The following MBTPS1 variants were observed in gnomAD, a reference collection of about 807,000 sequenced individuals.
The protein encoded by MBTPS1 is membrane bound transcription factor peptidase, site 1, also known as membrane-bound transcription factor site-1 protease.
A neutral mutation model predicts 127.8 loss-of-function variants in MBTPS1; 94 were observed. That is an observed-to-expected ratio of 0.74 (90% CI 0.62 to 0.87). The LOEUF (loss-of-function observed/expected upper bound fraction) is 0.87. Ranked by LOEUF, MBTPS1 falls within the 40% of genes least tolerant of loss-of-function variation. The pLI is 0.00. For missense variants in MBTPS1, 1,636 were observed against 1,353.2 expected, an observed-to-expected ratio of 1.21 and a Z score of -3.28; for synonymous variants, 632 against 509.4, an observed-to-expected ratio of 1.24 and a Z score of -3.24.
At position 84,093,868 on chromosome 16, in the gene MBTPS1, C is replaced by G. The variant is rs45576132; in HGVS notation, c.626-47G>C. 12,783 of 1,376,098 alleles carry G rather than the reference C, an allele frequency of 9.3e-3. 89 individuals carry two copies. The highest frequency in any genetic ancestry group is 0.016 in the Middle Eastern group (92 of 5,620). The allele number at this position is 1,376,098 out of a possible 1,614,324, so 85.2% of individuals were successfully genotyped here. The stretch of plus-strand genomic sequence containing the variant: ...ACACAATTATGTTTGAAGAAATCAT[C>G]ATTTTGGATTTTGCCTATAAAATAC... On this transcript the variant is annotated intron_variant, in intron 4 of 22. Transcript: ENST00000343411.
intron 2 of MBTPS1, among the ~76,000 whole-genome samples, 186 bp downstream of exon 2, chr16:84,101,435 G>A (rs1363696494): frequency 1.3e-5 from 2 of 151,598 alleles, no homozygotes; most frequent in Non-Finnish European, 2.9e-5. Flanking sequence ...AGGTTACAGT[G>A]AGCCGAGATC....
chr16:84,060,832 T>C lies in MBTPS1; in HGVS notation c.2573-19A>G, dbSNP rs1487226600. The C allele has an allele frequency of 6.5e-7, 1 of 1,537,804 alleles. No homozygotes were observed. Among genetic ancestry groups the C allele is most frequent in the Non-Finnish European group, 8.8e-7 (1 of 1,141,842 alleles). On this transcript the variant is annotated intron_variant, in intron 19 of 22. Coordinates refer to ENST00000343411, the MANE Select transcript of MBTPS1 (RefSeq NM_003791.4). ...AAGCAGTCTGCGAAGTCAACAAGCC[T>C]GTTTAGGAATTCCTTTTTTTTTTTC...
At chr16:84,079,904 A>C (rs552971501) in intron 11 of MBTPS1, among the ~76,000 whole-genome samples, 3 of 152,292 alleles carry the variant, frequency 2.0e-5, no homozygotes, top group South Asian at 4.1e-4. Flanking sequence ...CGCAGTAACC[A>C]CTGTGAGCAC....
At chr16:84,085,567 A>ACC (rs2086008621) in intron 9 of MBTPS1, among the ~76,000 whole-genome samples, 4 of 28,488 alleles carry the variant, frequency 1.4e-4, no homozygotes, top group African/African-American at 4.0e-4. Flanking sequence ...TCAGCCCCGC[A>ACC]CCCGCCCCCC....
In MBTPS1 at chr16:84,067,741, G is replaced by A. The variant is rs1276130582; in HGVS notation, c.2154C>T (p.Leu718=). ...ACCAGTCACTGAAGATGACGAGCGA[G>A]AGGCCGTTGTCCACGTCCCTCCGGA... The part of the protein sequence containing the change: ...AKLRRDVDNG[L]SLVIFSDWYN... The change falls in exon 16 of 23, where the codon CTC becomes CTT. Residue 718 remains leucine, a synonymous_variant. Transcript: ENST00000343411. 1 of 1,614,040 alleles carries A rather than the reference G, an allele frequency of 6.2e-7. No individual in the cohort carries two copies. The highest frequency in any genetic ancestry group is 2.2e-5 in the East Asian group (1 of 44,878).
intron 8 of MBTPS1, among the ~76,000 whole-genome samples, chr16:84,088,110 T>C (rs1281109826): frequency 6.6e-6 from 1 of 151,936 alleles, no homozygotes; most frequent in Non-Finnish European, 1.5e-5. Flanking sequence ...ATGGCAAAAA[T>C]GTGTAAACCG....
Position 84,101,791 on chromosome 16 carries a change from A to T in MBTPS1, c.-8T>A, listed in dbSNP as rs1377284230. ...GATGTTGACAAGCTTCATGGTCACA[A>T]GCGAATATGATCATAAAATTGCATA... On this transcript the variant is annotated 5_prime_UTR_variant, in exon 2 of 23. The change creates a new upstream start codon in the 5' untranslated region. Transcript: ENST00000343411. 1 of 1,605,134 alleles carries T rather than the reference A, an allele frequency of 6.2e-7. No individual in the cohort carries two copies. Among genetic ancestry groups the T allele is most frequent in the South Asian group, 1.1e-5 (1 of 89,652 alleles).
intron 12 of MBTPS1, among the ~76,000 whole-genome samples, chr16:84,071,423 C>T (rs1186662358): frequency 6.6e-6 from 1 of 152,148 alleles, no homozygotes; most frequent in African/African-American, 2.4e-5. Flanking sequence ...GAACTTACTT[C>T]CCAAGTAAGC....
intron 3 of MBTPS1, 33 bp from the exon 4 acceptor site, chr16:84,095,838 A>G (rs755363987): frequency 1.3e-6 from 2 of 1,582,878 alleles, no homozygotes; most frequent in Admixed American, 1.7e-5. Flanking sequence ...TCAGAACAGA[A>G]GAGCAAAACG....
intron 2 of MBTPS1, 32 bp downstream of exon 2, chr16:84,101,589 G>C: frequency 1.3e-6 from 2 of 1,544,456 alleles, no homozygotes; most frequent in Non-Finnish European, 1.8e-6. Flanking sequence ...AAATAGGATG[G>C]GAGTTCCTAA....
Position 84,066,586 on chromosome 16 carries a change from T to C in MBTPS1, c.2256A>G (p.Gly752=), listed in dbSNP as rs1597309990. 6.2e-7 allele frequency: 1 copy of C among 1,614,036 alleles called. No homozygotes were observed. The part of the protein sequence containing the change: ...TRQWWMPDTG[G]ANIPALNELL... ...GCTCATTCAGAGCTGGGATGTTAGCTCCTCCGGTATCCGGCATCCACCACT... is the reference window on the plus strand; with the variant it reads ...GCTCATTCAGAGCTGGGATGTTAGCCCCTCCGGTATCCGGCATCCACCACT... Residue 752 remains glycine (G), a synonymous_variant, in exon 17 of 23, where the codon GGA becomes GGG. Coordinates refer to ENST00000343411, the MANE Select transcript of MBTPS1 (RefSeq NM_003791.4).
chr16:84,094,845 T>C (rs528995190), intron 4 of MBTPS1, among the ~76,000 whole-genome samples: 13 of 152,234 alleles, frequency 8.5e-5, no homozygotes, highest in Middle Eastern at 3.4e-3. Context: ...CTCAGATATT[T>C]TGGAGGGCAG....
intron 1 of MBTPS1, among the ~76,000 whole-genome samples, chr16:84,114,340 T>A (rs1318239253): frequency 6.6e-6 from 1 of 152,164 alleles, no homozygotes; most frequent in South Asian, 2.1e-4. Flanking sequence ...GGTGGTCTTG[T>A]ATTAAAAAGA....
rs537849923 is a variant in MBTPS1, at chr16:84,109,040, G to C, written c.-324-6933C>G. On this transcript the variant is annotated intron_variant, in intron 1 of 22. Transcript: ENST00000343411. ...ACACATTTCCTAGCTATCTCCAAAA[G>C]GGTGTGGCAGCAGTGAAATCCCAAC... Among the ~76,000 whole-genome samples, 4 of 152,330 alleles carry C rather than the reference G, an allele frequency of 2.6e-5. No individual in the cohort carries two copies. In the South Asian group the frequency reaches 6.2e-4, roughly 24 times the overall value.
At chr16:84,107,025 C>G (rs2151172245) in intron 1 of MBTPS1, among the ~76,000 whole-genome samples, 1 of 152,296 alleles carries the variant, frequency 6.6e-6, no homozygotes, top group South Asian at 2.1e-4. Context: ...GAGCTGAGCT[C>G]TGAGCATGTT....
intron 10 of MBTPS1, among the ~76,000 whole-genome samples, chr16:84,083,496 G>A (rs1457920025): frequency 1.3e-5 from 2 of 150,862 alleles, no homozygotes; most frequent in East Asian, 3.9e-4. Context: ...TCACTATGTT[G>A]CCCCAGCTGC....
rs1393820659 is a variant in MBTPS1 at position 84,095,468 on chromosome 16, G to T, written c.625+134C>A. On this transcript the variant is annotated intron_variant, in intron 4 of 22. Transcript: ENST00000343411. ...ACAAATAGTAAGAAGGTTAGATGTG[G>T]AAGGCTGCAGGGCTTTAGCACTAGG... 3 of 874,242 alleles carry T rather than the reference G, an allele frequency of 3.4e-6. No homozygotes were observed. In the East Asian group the frequency reaches 7.8e-5, roughly 23 times the overall value. 54.2% of individuals were successfully genotyped at this position (874,242 alleles called of 1,614,324 possible).
At chr16:84,066,209 TTAAGAAGC>T (rs1484668393) in intron 17 of MBTPS1, among the ~76,000 whole-genome samples, 1 of 152,140 alleles carries the variant, frequency 6.6e-6, no homozygotes, top group Non-Finnish European at 1.5e-5. Flanking sequence ...TTGTAAATAA[TTAAGAAGC>T]TGTGAGGTAG....
At chr16:84,097,042 G>C (rs1202823077) in intron 3 of MBTPS1, among the ~76,000 whole-genome samples, 1 of 152,176 alleles carries the variant, frequency 6.6e-6, no homozygotes, top group Non-Finnish European at 1.5e-5. Flanking sequence ...AAGAACTGAG[G>C]ATTAGCCTGG....
Sources: gnomAD v4.1 joint callset for allele counts (sites outside exome capture counted in the v4.1 genomes callset) on GRCh38, gnomAD v4.1.1 for gene constraint, MANE v1.5 for transcripts, NCBI Gene and HGNC (gene_info 2026-07-23, HGNC 2026-07-21) for gene names.